TNKS1BP1: variants seen among roughly 807,000 people sequenced by gnomAD.
TNKS1BP1 encodes 182 kDa tankyrase-1-binding protein.
In TNKS1BP1, 48 loss-of-function variants were observed where a neutral mutation model predicts 141.1. The ratio of observed to expected loss-of-function variants is 0.34; its 90% CI spans 0.27 to 0.43. The LOEUF (loss-of-function observed/expected upper bound fraction) is 0.43. Among genes scored for constraint, TNKS1BP1 ranks in the 20% least tolerant of loss-of-function variants. The probability of loss-of-function intolerance (pLI) is 1.00; values close to 1 mark genes in which losing one functional copy is unlikely to be tolerated. For missense variants in TNKS1BP1, 2,149 were observed against 2,226.0 expected (o/e 0.97, Z 0.70); for synonymous variants, 875 against 898.2 (o/e 0.97, Z 0.46).
rs1590575662 is a variant in TNKS1BP1, at chr11:57,302,901, C to T, written c.4317-76G>A. 1.4e-6 allele frequency: 2 copies of T among 1,420,700 alleles called. No homozygotes were observed. Among genetic ancestry groups the T allele is most frequent in the East Asian group, 4.8e-5 (2 of 41,286 alleles). The allele number at this position is 1,420,700 out of a possible 1,614,324, so 88.0% of individuals were successfully genotyped here. ...TGCCCTGAAGCCTACTTCACAAGCT[C>T]CTTCCCCCAGCCCCCAAACTCTCCC... On this transcript the variant is annotated intron_variant, in intron 6 of 11. Transcript: ENST00000358252. This position sits in a 1 kb window ranked among gnomAD's most constrained non-coding sequence, Gnocchi z 5.5.
Position 57,312,985 on chromosome 11 carries a change from G to C in TNKS1BP1, c.1703C>G (p.Pro568Arg), listed in dbSNP as rs141164809. The C allele has an allele frequency of 1.2e-4, 196 of 1,613,912 alleles. 1 individual carries two copies. Among genetic ancestry groups the C allele is most frequent in the Middle Eastern group, 8.2e-4 (5 of 6,062 alleles). ...CTCAGTTGTAGGCAGGGGCTCAAGG[G>C]GAACAGCTGGGAATTGAGGTTGACT... ...GESQPQFPAVPLEPLPTTEGT... is the reference protein window; with the variant it reads ...GESQPQFPAVRLEPLPTTEGT... The change falls in exon 5 of 12, where the codon CCC becomes CGC. Residue 568 changes from proline to arginine, a missense_variant. Coordinates refer to ENST00000358252, the MANE Select transcript of TNKS1BP1 (RefSeq NM_033396.3).
chr11:57,310,018 G>T lies in TNKS1BP1; in HGVS notation c.2693C>A (p.Ala898Asp). 2 of 1,614,132 alleles carry T rather than the reference G, an allele frequency of 1.2e-6. No homozygotes were observed. The highest frequency in any genetic ancestry group is 4.5e-5 in the East Asian group (2 of 44,886). Residue 898 changes from alanine (A) to aspartate (D), a missense_variant, in exon 6 of 12, where the codon GCC becomes GAC. Ala to Asp is a moderately radical substitution (Grantham distance 126, BLOSUM62 -2). Transcript: ENST00000358252. Reference sequence around the variant, plus strand: ...GCCCTGCTCGTTGGCATCTTGGCTGGCATAAGCACCCAGAGAATCTCTCTT... The same window carrying T: ...GCCCTGCTCGTTGGCATCTTGGCTGTCATAAGCACCCAGAGAATCTCTCTT... ...FGKRDSLGAY[A>D]SQDANEQGQD...
Position 57,313,594 on chromosome 11 carries a change from G to C in TNKS1BP1, c.1094C>G (p.Pro365Arg). 2 of 1,596,166 alleles carry C rather than the reference G, an allele frequency of 1.3e-6. No homozygotes were observed. Among genetic ancestry groups the C allele is most frequent in the Non-Finnish European group, 1.7e-6 (2 of 1,172,076 alleles). Reference protein sequence around the residue: ...GLPAEGAPEAPRPSSPPPEVL... With the variant: ...GLPAEGAPEARRPSSPPPEVL... ...CTCAGGGGGTGGGCTGCTGGGTCTG[G>C]GGGCCTCTGGAGCCCCCTCGGCAGG... Residue 365 changes from proline to arginine, a missense_variant, in exon 5 of 12, where the codon CCC (proline) becomes CGC (arginine). By Grantham distance (103) the Pro-to-Arg change is moderately radical. Transcript: ENST00000358252.
At chr11:57,304,623 A>G (rs1465574104) in intron 6 of TNKS1BP1, among the ~76,000 whole-genome samples, 7 of 152,168 alleles carry the variant, frequency 4.6e-5, no homozygotes, top group Non-Finnish European at 1.0e-4. Flanking sequence ...TAATCCCAGC[A>G]CTTTGGGAGG....
chr11:57,306,903 T>TGGG lies in TNKS1BP1; in HGVS notation c.4316+1489_4316+1491dup, dbSNP rs796934603. ...ACGGAAAGGCAGAGAGCTGTGGTGG[T>TGGG]GGGGGGGGGGGTTGGGTGGGAGGGG... On this transcript the variant is annotated intron_variant, in intron 6 of 11. Coordinates refer to ENST00000358252, the MANE Select transcript of TNKS1BP1 (RefSeq NM_033396.3). Among the ~76,000 whole-genome samples, 117 of 70,200 alleles carry TGGG rather than the reference T, an allele frequency of 1.7e-3. 2 individuals are homozygous for TGGG. Among genetic ancestry groups the TGGG allele is most frequent in the African/African-American group, 7.3e-3 (97 of 13,346 alleles). The allele number at this position is 70,200 out of a possible 152,430, so 46.1% of individuals were successfully genotyped here.
intron 1 of TNKS1BP1, chr11:57,322,252 C>T: frequency 4.7e-6 from 5 of 1,059,310 alleles, no homozygotes; most frequent in Non-Finnish European, 5.7e-6. Context: ...CCACAGTGCC[C>T]CTTGGGTAGG....
At position 57,310,424 on chromosome 11, in the gene TNKS1BP1, G is replaced by A; in HGVS notation, c.2287C>T (p.Pro763Ser). The stretch of plus-strand genomic sequence containing the variant: ...TCTCCGAGACCTGGGTCTCCTCTAG[G>A]GCTTGCACCCCCAAGGCCATAGTCC... ...SQDYGLGGAS[P>S]RGDPGLGERD... Residue 763 changes from proline to serine, a missense_variant, in exon 6 of 12, where the codon CCT (proline) becomes TCT (serine). Physicochemically the swap from Pro to Ser is moderately conservative, Grantham distance 74. Coordinates refer to ENST00000358252, the MANE Select transcript of TNKS1BP1 (RefSeq NM_033396.3). 6.2e-7 allele frequency: 1 copy of A among 1,613,882 alleles called. No individual in the cohort carries two copies. The highest frequency in any genetic ancestry group is 8.5e-7 in the Non-Finnish European group (1 of 1,180,016).
chr11:57,307,034 C>T (rs1238438976), intron 6 of TNKS1BP1, among the ~76,000 whole-genome samples: 1 of 152,144 alleles, frequency 6.6e-6, no homozygotes, highest in Non-Finnish European at 1.5e-5. Context: ...CCTTTCGACC[C>T]TCCAGCGGAG....
At chr11:57,304,446 T>A (rs1247808999) in intron 6 of TNKS1BP1, among the ~76,000 whole-genome samples, 1 of 152,146 alleles carries the variant, frequency 6.6e-6, no homozygotes, top group Admixed American at 6.5e-5. Flanking sequence ...CAGCTCACCC[T>A]GACAGCCAGC....
In TNKS1BP1 at chr11:57,309,835, C is replaced by G; in HGVS notation, c.2876G>C (p.Arg959Thr). ...GGAGCTGCCACCACTGCTGTAGTCC[C>G]TTATCCAAGCGCTCTTCCCAAACTC... Reference protein sequence around the residue: ...EQEFGKSAWIRDYSSGGSSRT... With the variant: ...EQEFGKSAWITDYSSGGSSRT... The change falls in exon 6 of 12, where the codon AGG becomes ACG. Residue 959 changes from arginine to threonine, a missense_variant. Arg to Thr is a moderately conservative substitution (Grantham distance 71, BLOSUM62 -1). Coordinates refer to ENST00000358252, the MANE Select transcript of TNKS1BP1 (RefSeq NM_033396.3). This position sits in a 1 kb window ranked among gnomAD's most constrained non-coding sequence, Gnocchi z 4.3. 1.2e-6 allele frequency: 2 copies of G among 1,614,202 alleles called. No individual in the cohort carries two copies. Among genetic ancestry groups the G allele is most frequent in the Admixed American group, 3.3e-5 (2 of 60,032 alleles).
chr11:57,320,023 T>TCCC, intron 3 of TNKS1BP1, 56 bp downstream of exon 3: 3 of 641,912 alleles, frequency 4.7e-6, no homozygotes, highest in South Asian at 1.7e-5. Flanking sequence ...CCCCACCCAA[T>TCCC]CCCACCCCAC....
Position 57,321,923 on chromosome 11 carries a change from A to G in TNKS1BP1, c.-38T>C. ...ACCCTCCTTGAGAGCGGGGAGGCAG[A>G]GAGGTATGAGCTGGGGTGGCTGCAG... On this transcript the variant is annotated 5_prime_UTR_variant, in exon 2 of 12. Coordinates refer to ENST00000358252, the MANE Select transcript of TNKS1BP1 (RefSeq NM_033396.3). 6.2e-7 allele frequency: 1 copy of G among 1,612,562 alleles called. No homozygotes were observed. Among genetic ancestry groups the G allele is most frequent in the South Asian group, 1.1e-5 (1 of 90,874 alleles).
chr11:57,308,398 G>T lies in TNKS1BP1; in HGVS notation c.4313C>A (p.Ala1438Glu), dbSNP rs773914374. ...GGGATGGGGCTCCGTTCATTACCTT[G>T]CTCCGAAGCTGAGGGCTTCTCCTGT... ...METGEALSFG[A>E]SPGRCPARPP... The change falls in exon 6 of 12, where the codon GCA (alanine) becomes GAA (glutamate). Residue 1438 changes from alanine to glutamate, a missense_variant. Coordinates refer to ENST00000358252, the MANE Select transcript of TNKS1BP1 (RefSeq NM_033396.3). 1 of 1,612,426 alleles carries T rather than the reference G, an allele frequency of 6.2e-7. No individual in the cohort carries two copies. The highest frequency in any genetic ancestry group is 1.7e-5 in the Admixed American group (1 of 59,926).
rs1403203373 is a variant in TNKS1BP1, at chr11:57,313,434, G to A, written c.1254C>T (p.Leu418=). The change falls in exon 5 of 12, where the codon CTC becomes CTT. Residue 418 remains leucine, a synonymous_variant. Coordinates refer to ENST00000358252, the MANE Select transcript of TNKS1BP1 (RefSeq NM_033396.3). ...GGCGCTGAACCAGGCTGGTGGGGCG[G>A]AGGTGTGCGTCACCCTTGGCCTCCT... ...GEEEAKGDAH[L]RPTSLVQRRF... The A allele has an allele frequency of 1.2e-6, 2 of 1,608,848 alleles. No homozygotes were observed. Among genetic ancestry groups the A allele is most frequent in the South Asian group, 1.1e-5 (1 of 90,542 alleles).
Position 57,300,559 on chromosome 11 carries a change from A to T in TNKS1BP1, c.5171T>A (p.Leu1724Gln). The part of the protein sequence containing the change: ...SSPNWLQALK[L>Q]KKKKV The stretch of plus-strand genomic sequence containing the variant: ...GACTTCTCAGACCTTCTTCTTCTTC[A>T]GTTTCAGGGCTTGAAGCCAGTTGGG... Residue 1724 changes from leucine (L) to glutamine (Q), a missense_variant, in exon 11 of 12, where the codon CTG becomes CAG. Coordinates refer to ENST00000358252, the MANE Select transcript of TNKS1BP1 (RefSeq NM_033396.3). The T allele has an allele frequency of 6.2e-7, 1 of 1,614,184 alleles. No homozygotes were observed. Among genetic ancestry groups the T allele is most frequent in the Non-Finnish European group, 8.5e-7 (1 of 1,180,030 alleles).
intron 1 of TNKS1BP1, among the ~76,000 whole-genome samples, chr11:57,323,980 C>A (rs931085366): frequency 3.9e-5 from 6 of 152,196 alleles, no homozygotes; most frequent in Admixed American, 2.6e-4. Context: ...GCCAGGGGCC[C>A]CAGGTGACCA....
At position 57,309,172 on chromosome 11, in the gene TNKS1BP1, C is replaced by T; in HGVS notation, c.3539G>A (p.Gly1180Asp). ...LEVSSCVGSG[G>D]SSEARESAVG... ...GGCACTCTCCCTGGCCTCGCTCGAG[C>T]CCCCAGAACCCACACAGCTGGACAC... The change falls in exon 6 of 12, where the codon GGC (glycine) becomes GAC (aspartate). Residue 1180 changes from glycine (G) to aspartate (D), a missense_variant. Physicochemically the swap from Gly to Asp is moderately conservative, Grantham distance 94 (BLOSUM62 -1). Transcript: ENST00000358252. The surrounding 1 kb of genome is among the most constrained non-coding windows in gnomAD (Gnocchi z 4.3). 1.2e-6 allele frequency: 2 copies of T among 1,614,154 alleles called. No individual in the cohort carries two copies. Among genetic ancestry groups the T allele is most frequent in the Non-Finnish European group, 1.7e-6 (2 of 1,180,016 alleles).
intron 9 of TNKS1BP1, 110 bp downstream of exon 9, chr11:57,301,697 G>A (rs991882344): frequency 1.1e-5 from 16 of 1,426,490 alleles, no homozygotes; most frequent in Non-Finnish European, 1.4e-5. Flanking sequence ...GAGGAGGAAT[G>A]GGAGAGGGGG....
At chr11:57,321,669 G>T in intron 2 of TNKS1BP1, 123 bp downstream of exon 2, 1 of 1,117,446 alleles carries the variant, frequency 8.9e-7, no homozygotes, top group South Asian at 1.6e-5. Flanking sequence ...TACTGCCTTG[G>T]TACTCCTTCC....
Sources: allele counts gnomAD v4.1 joint callset (sites outside exome capture counted in the v4.1 genomes callset), GRCh38; gene constraint gnomAD v4.1.1; non-coding constraint Gnocchi (gnomAD v3.1); transcripts MANE v1.5; gene names NCBI Gene and HGNC (gene_info 2026-07-23, HGNC 2026-07-21).